The following KAZN variants were observed in gnomAD, a reference collection of about 807,000 sequenced individuals.
KAZN encodes the protein kazrin, periplakin interacting protein.
In KAZN, 40 loss-of-function variants were observed where a neutral mutation model predicts 87.4. The ratio of observed to expected loss-of-function variants is 0.46; its 90% CI spans 0.36 to 0.60. The LOEUF is 0.60. Among genes scored for constraint, KAZN ranks in the 20% least tolerant of loss-of-function variants. KAZN has a pLI of 0.00. For synonymous variants in KAZN, 466 were observed against 458.3 expected, an observed-to-expected ratio of 1.02 and a Z score of -0.22; for missense variants, 898 against 1,073.9, an observed-to-expected ratio of 0.84 and a Z score of 2.29.
Position 13,959,864 on chromosome 1 carries a change from T to G in KAZN, c.91+66108T>G, listed in dbSNP as rs1026993945. On this transcript the variant is annotated intron_variant, in intron 1 of 16. Transcript: ENST00000636203. ...TAGATTTGCTGCCCAACACCCTCCG[T>G]GGCTTATAAATAGCACCTAATAAAT... Among the ~76,000 whole-genome samples, 6 of 152,292 alleles carry G rather than the reference T, an allele frequency of 3.9e-5. No homozygotes were observed. The South Asian group carries it at 8.3e-4, about 21-fold the overall frequency.
At chr1:14,441,293 G>A (rs1437807973) in intron 2 of KAZN, among the ~76,000 whole-genome samples, 1 of 151,668 alleles carries the variant, frequency 6.6e-6, no homozygotes, top group Non-Finnish European at 1.5e-5. Context: ...TTTAAACCCT[G>A]AAACTAAAGT....
chr1:14,375,097 A>G (rs1660792260), intron 2 of KAZN, among the ~76,000 whole-genome samples: 1 of 152,088 alleles, frequency 6.6e-6, no homozygotes, highest in African/African-American at 2.4e-5. Flanking sequence ...CAAAAAGATG[A>G]CTCCTAATTT....
rs148718284 is a variant in KAZN, at chr1:15,088,090, C to T, written c.1223-6090C>T. Among the ~76,000 whole-genome samples the T allele has an allele frequency of 4.5e-3, 684 of 152,268 alleles. 8 individuals are homozygous for T. The highest frequency in any genetic ancestry group is 0.015 in the African/African-American group (638 of 41,552). ...CGTTTCTCTATGTGGTCTTTTGCAC[C>T]GGGCCAAAAAACTTTGTGGGCTTTA... On this transcript the variant is annotated intron_variant, in intron 8 of 14. Transcript: ENST00000376030.
intron 2 of KAZN, among the ~76,000 whole-genome samples, chr1:14,454,500 C>A (rs1224511505): frequency 6.6e-6 from 1 of 152,208 alleles, no homozygotes; most frequent in African/African-American, 2.4e-5. Flanking sequence ...TCTTCTGGAA[C>A]TTTCCATCCT....
At chr1:14,151,244 A>C (rs985458315) in intron 1 of KAZN, among the ~76,000 whole-genome samples, 7 of 152,160 alleles carry the variant, frequency 4.6e-5, no homozygotes, top group Admixed American at 2.0e-4. Flanking sequence ...ATGTAACATA[A>C]TTTTGATGGT....
Position 13,996,801 on chromosome 1 carries a change from G to A in KAZN, c.91+103045G>A, listed in dbSNP as rs190455161. Among the ~76,000 whole-genome samples, 5 of 152,300 alleles carry A rather than the reference G, an allele frequency of 3.3e-5. No individual in the cohort carries two copies. In the East Asian group the frequency reaches 5.8e-4, roughly 18 times the overall value. ...TAGTTCTGAGGAATCTGGGCAGCCC[G>A]GATGAGTGGGTTTCCCCCCAAGCGA... On this transcript the variant is annotated intron_variant, in intron 1 of 16. Transcript: ENST00000636203.
intron 1 of KAZN, among the ~76,000 whole-genome samples, chr1:14,686,842 A>G (rs1640983430): frequency 1.3e-5 from 2 of 152,236 alleles, no homozygotes; most frequent in African/African-American, 4.8e-5. Context: ...CCCTGGGCCT[A>G]GGCTCCCTCT....
chr1:15,025,319 C>T (rs563499467), intron 2 of KAZN, among the ~76,000 whole-genome samples: 46 of 152,324 alleles, frequency 3.0e-4, no homozygotes, highest in South Asian at 6.2e-4. Context: ...TGAATAGACT[C>T]ATTTTCTACC....
chr1:14,459,283 A>G (rs1352723799), intron 2 of KAZN, among the ~76,000 whole-genome samples: 3 of 146,898 alleles, frequency 2.0e-5, no homozygotes, highest in African/African-American at 7.6e-5. Flanking sequence ...GTGTGTGTGT[A>G]TACATGCCCA....
At chr1:14,673,531 G>A (rs1464549145) in intron 1 of KAZN, among the ~76,000 whole-genome samples, 1 of 152,214 alleles carries the variant, frequency 6.6e-6, no homozygotes, top group East Asian at 1.9e-4. Flanking sequence ...CAGGGAGGAA[G>A]CGTCCTTCGA....
intron 8 of KAZN, among the ~76,000 whole-genome samples, chr1:15,085,525 G>A (rs913178820): frequency 6.6e-5 from 10 of 152,030 alleles, no homozygotes; most frequent in Admixed American, 1.3e-4. Context: ...ATGGGGTTTC[G>A]CCATGTTGCC....
chr1:14,560,533 G>A lies in KAZN; in HGVS notation c.250-38450G>A, dbSNP rs376223179. Among the ~76,000 whole-genome samples the A allele has an allele frequency of 2.4e-4, 36 of 152,264 alleles. No individual in the cohort carries two copies. In the East Asian group the frequency reaches 4.6e-3, roughly 20 times the overall value. ...GCAGAGGTTGCAGTGAGCCGAGATC[G>A]CGCCACTGCACTCCAGCCTGGGCGA... On this transcript the variant is annotated intron_variant, in intron 2 of 16. Transcript: ENST00000636203.
At chr1:14,576,554 T>A (rs72647615) in intron 2 of KAZN, among the ~76,000 whole-genome samples, 15,351 of 152,296 alleles carry the variant, frequency 0.1, 847 homozygotes, top group Non-Finnish European at 0.13. Flanking sequence ...GCTCCTTCTC[T>A]AACCAACTTT....
chr1:14,890,091 G>A (rs768057138), intron 1 of KAZN, among the ~76,000 whole-genome samples: 7 of 152,164 alleles, frequency 4.6e-5, no homozygotes, highest in Non-Finnish European at 7.3e-5. Flanking sequence ...GAGATGATTC[G>A]GGAAGCTTAC....
intron 2 of KAZN, among the ~76,000 whole-genome samples, chr1:14,192,164 G>A (rs932280002): frequency 6.6e-6 from 1 of 152,094 alleles, no homozygotes; most frequent in Non-Finnish European, 1.5e-5. Flanking sequence ...AGACAGTGAG[G>A]AACAAAGGGG....
At chr1:14,685,183 G>A (rs952027448) in intron 1 of KAZN, among the ~76,000 whole-genome samples, 2 of 152,332 alleles carry the variant, frequency 1.3e-5, no homozygotes, top group African/African-American at 4.8e-5. Flanking sequence ...GCCACTCAAG[G>A]GTGAGTTTCC....
At chr1:15,044,222 GACGTCT>G in intron 4 of KAZN, 63 bp downstream of exon 4, 1 of 1,192,690 alleles carries the variant, frequency 8.4e-7, no homozygotes, top group East Asian at 5.8e-5. Flanking sequence ...TGGGAGCCGG[GACGTCT>G]GGCACCGACT....
chr1:13,931,168 G>C (rs546330719), intron 1 of KAZN, among the ~76,000 whole-genome samples: 1 of 152,308 alleles, frequency 6.6e-6, no homozygotes, highest in South Asian at 2.1e-4. Flanking sequence ...ATTCAATTTT[G>C]CCAATTAATG....
intron 10 of KAZN, among the ~76,000 whole-genome samples, chr1:15,095,553 A>G (rs113642708): frequency 2.7e-5 from 4 of 149,758 alleles, no homozygotes; most frequent in African/African-American, 9.8e-5. Flanking sequence ...TTCTGTGAGC[A>G]AAATTTGTTG....
Sources: allele counts gnomAD v4.1 joint callset (sites outside exome capture counted in the v4.1 genomes callset), GRCh38; gene constraint gnomAD v4.1.1; transcripts MANE v1.5; gene names NCBI Gene and HGNC (gene_info 2026-07-23, HGNC 2026-07-21).